Variants in EPAS1 observed in about 807,000 individuals in gnomAD.
EPAS1 encodes the protein endothelial PAS domain protein 1.
A neutral mutation model predicts 87.9 loss-of-function variants in EPAS1; 23 were observed. The observed-to-expected ratio is 0.26, with a 90% CI of 0.19 to 0.37. The LOEUF is 0.37. EPAS1 is among the 10% of genes least tolerant of loss of function. The pLI is 1.00. For synonymous variants in EPAS1, 508 were observed against 444.3 expected, an observed-to-expected ratio of 1.14 and a Z score of -1.80; for missense variants, 1,138 against 1,120.7, an observed-to-expected ratio of 1.02 and a Z score of -0.22.
chr2:46,339,756 A>G (rs1297762613), intron 1 of EPAS1, among the ~76,000 whole-genome samples: 1 of 152,236 alleles, frequency 6.6e-6, no homozygotes, highest in African/African-American at 2.4e-5. Flanking sequence ...ATGGTTCTGG[A>G]TGCTGGGAAG....
At chr2:46,316,857 G>A (rs183293657) in intron 1 of EPAS1, among the ~76,000 whole-genome samples, 1 of 152,190 alleles carries the variant, frequency 6.6e-6, no homozygotes, top group East Asian at 1.9e-4. Context: ...CTTCATAATT[G>A]GTGTCAATCC....
At chr2:46,352,994 C>T (rs1684201797) in intron 2 of EPAS1, among the ~76,000 whole-genome samples, 1 of 152,248 alleles carries the variant, frequency 6.6e-6, no homozygotes, top group African/African-American at 2.4e-5. Flanking sequence ...ACTATTTCCT[C>T]TGGGACTAGT....
Position 46,375,495 on chromosome 2 carries a change from A to T in EPAS1, c.887-195A>T. On this transcript the variant is annotated intron_variant, in intron 7 of 15. Coordinates refer to ENST00000263734, the MANE Select transcript of EPAS1 (RefSeq NM_001430.5). This position sits in a 1 kb window ranked among gnomAD's most constrained non-coding sequence, Gnocchi z 4.1. ...TCACCTCTTCTCACCTCTTTTTCCTATATTTAAAATGAAGAGTTGGCTGAG... is the reference window on the plus strand; with the variant it reads ...TCACCTCTTCTCACCTCTTTTTCCTTTATTTAAAATGAAGAGTTGGCTGAG... The T allele has an allele frequency of 3.1e-6, 2 of 653,474 alleles. No homozygotes were observed. Among genetic ancestry groups the T allele is most frequent in the South Asian group, 1.8e-5 (1 of 54,630 alleles). The allele number at this position is 653,474 out of a possible 1,614,324, so 40.5% of individuals were successfully genotyped here. A position where few individuals can be genotyped will look rare whatever the true frequency, so the allele number is the denominator to read the frequency against.
At chr2:46,358,721 G>C (rs1011453138) in intron 4 of EPAS1, among the ~76,000 whole-genome samples, 7 of 152,202 alleles carry the variant, frequency 4.6e-5, no homozygotes, top group Non-Finnish European at 8.8e-5. Context: ...TGCATATTGA[G>C]GACTTGGGAT....
intron 7 of EPAS1, among the ~76,000 whole-genome samples, chr2:46,374,640 A>G (rs1167787753): frequency 6.6e-6 from 1 of 152,200 alleles, no homozygotes; most frequent in African/African-American, 2.4e-5. Flanking sequence ...TCCTCCCTCC[A>G]TGCCCTTTCC....
intron 15 of EPAS1, 160 bp from the exon 16 acceptor site, chr2:46,384,349 C>T (rs943896194): frequency 9.9e-7 from 1 of 1,014,434 alleles, no homozygotes; most frequent in Admixed American, 1.7e-5. Flanking sequence ...TGGAGGCAGA[C>T]ACGTTCCCCG....
intron 1 of EPAS1, among the ~76,000 whole-genome samples, chr2:46,342,820 GCATATCTCTGCTGACAATTTTTGGA>G (rs1324498025): frequency 3.1e-4 from 47 of 152,302 alleles, no homozygotes; most frequent in African/African-American, 1.0e-3. Context: ...ATGAACTGTA[GCATATCTCTGCTGACAATTTTTGGA>G]CATTTCAGTT....
chr2:46,384,323 C>A (rs1227705768), intron 15 of EPAS1, among the ~76,000 whole-genome samples, 186 bp from the exon 16 acceptor site: 1 of 152,166 alleles, frequency 6.6e-6, no homozygotes, highest in Non-Finnish European at 1.5e-5. Context: ...CAGCACCCCA[C>A]CTGAGGCAGT....
intron 1 of EPAS1, among the ~76,000 whole-genome samples, chr2:46,303,070 C>CAAAG: frequency 6.6e-6 from 1 of 152,066 alleles, no homozygotes; most frequent in East Asian, 1.9e-4. Flanking sequence ...GAGACAACGT[C>CAAAG]AAAGAAAGAA....
In EPAS1 at chr2:46,364,442, G is replaced by GA. The variant is rs533058035; in HGVS notation, c.779+3356dup. On this transcript the variant is annotated intron_variant, in intron 6 of 15. Transcript: ENST00000263734. ...GAAAACCGACAGGAAAGAAGGGAGA[G>GA]AAAAGACAACTCTAATTTTACATTG... Among the ~76,000 whole-genome samples the GA allele has an allele frequency of 5.0e-3, 760 of 152,214 alleles. 5 individuals carry two copies. The highest frequency in any genetic ancestry group is 6.3e-3 in the Non-Finnish European group (426 of 68,010).
In EPAS1 at chr2:46,381,669, A is replaced by C; in HGVS notation, c.2119A>C (p.Lys707Gln). The C allele has an allele frequency of 6.2e-7, 1 of 1,614,012 alleles. No individual in the cohort carries two copies. Among genetic ancestry groups the C allele is most frequent in the Non-Finnish European group, 8.5e-7 (1 of 1,180,022 alleles). ...CATGGTAGCCCTCTCCAACAAGCTG[A>C]AGCTGAAGCGACAGCTGGAGTATGA... ...PAMVALSNKL[K>Q]LKRQLEYEEQ... The change falls in exon 13 of 16, where the codon AAG becomes CAG. Residue 707 changes from lysine (K) to glutamine (Q), a missense_variant. Lys to Gln is a moderately conservative substitution (Grantham distance 53, BLOSUM62 1). This residue lies in a region of EPAS1 where 502 missense variants were observed against 427.1 expected (regional missense o/e 1.18). Transcript: ENST00000263734.
At chr2:46,338,528 C>T (rs543388847) in intron 1 of EPAS1, among the ~76,000 whole-genome samples, 3 of 152,126 alleles carry the variant, frequency 2.0e-5, no homozygotes, top group African/African-American at 7.2e-5. Flanking sequence ...ACCGAGTCTT[C>T]TCTATACATC....
In EPAS1 at chr2:46,382,514, G is replaced by A. The variant is rs760075930; in HGVS notation, c.2377G>A (p.Glu793Lys). 3 of 1,614,024 alleles carry A rather than the reference G, an allele frequency of 1.9e-6. No homozygotes were observed. The highest frequency in any genetic ancestry group is 2.7e-5 in the African/African-American group (2 of 74,928). Residue 793 changes from glutamate (E) to lysine (K), a missense_variant, in exon 15 of 16, where the codon GAG becomes AAG. Coordinates refer to ENST00000263734, the MANE Select transcript of EPAS1 (RefSeq NM_001430.5). Reference protein sequence around the residue: ...PQPPSAISPGENSKSRFPPQC... With the variant: ...PQPPSAISPGKNSKSRFPPQC... ...GCCTCCATCTGCCATCAGTCCCGGG[G>A]AGAACAGCAAGAGCAGGTTCCCCCC...
intron 2 of EPAS1, among the ~76,000 whole-genome samples, chr2:46,355,803 C>G (rs1684257442): frequency 6.6e-6 from 1 of 152,190 alleles, no homozygotes; most frequent in Admixed American, 6.5e-5. Flanking sequence ...TTTTTGTGGT[C>G]TGGGACAAGA....
At chr2:46,338,593 C>T (rs373221114) in intron 1 of EPAS1, among the ~76,000 whole-genome samples, 1 of 152,206 alleles carries the variant, frequency 6.6e-6, no homozygotes, top group Non-Finnish European at 1.5e-5. Flanking sequence ...TTTATTTTTA[C>T]AGTGGGGGAA....
intron 7 of EPAS1, among the ~76,000 whole-genome samples, chr2:46,374,682 T>C (rs146180731): frequency 8.5e-5 from 13 of 152,222 alleles, no homozygotes; most frequent in Non-Finnish European, 1.9e-4. Context: ...GCTTCTGAGC[T>C]GGAGTTCTGT....
chr2:46,362,362 A>C (rs1684411323), intron 6 of EPAS1, among the ~76,000 whole-genome samples: 1 of 152,210 alleles, frequency 6.6e-6, no homozygotes, highest in African/African-American at 2.4e-5. Flanking sequence ...AACACATGTG[A>C]GGCTTCTTGT....
intron 1 of EPAS1, among the ~76,000 whole-genome samples, chr2:46,344,179 A>G (rs1419844827): frequency 2.0e-5 from 3 of 152,246 alleles, no homozygotes; most frequent in Non-Finnish European, 2.9e-5. Flanking sequence ...TTTTTGATAG[A>G]GCACCAGGCA....
intron 1 of EPAS1, among the ~76,000 whole-genome samples, chr2:46,329,247 G>C (rs571647161): frequency 6.6e-6 from 1 of 152,312 alleles, no homozygotes; most frequent in East Asian, 1.9e-4. Flanking sequence ...ATTGTCATCT[G>C]GGTGCGAGGC....
Sources: gnomAD v4.1 joint callset for allele counts (sites outside exome capture counted in the v4.1 genomes callset) on GRCh38, gnomAD v4.1.1 for gene constraint, gnomAD v4.1.1 regional missense constraint, Gnocchi (gnomAD v3.1) non-coding constraint, MANE v1.5 for transcripts, NCBI Gene and HGNC (gene_info 2026-07-23, HGNC 2026-07-21) for gene names.